TET3: variants seen among roughly 807,000 people sequenced by gnomAD.
The protein encoded by TET3 is methylcytosine dioxygenase TET3.
TET3 carries 19 observed loss-of-function variants against 141.4 expected under a neutral mutation model. The ratio of observed to expected loss-of-function variants is 0.13; its 90% CI spans 0.09 to 0.20. TET3 has a LOEUF of 0.20. TET3 is among the 10% of genes least tolerant of loss of function. TET3 has a pLI of 1.00. For missense variants in TET3, 1,874 were observed against 2,356.9 expected (o/e 0.80, Z 4.24); for synonymous variants, 1,043 against 980.9 (o/e 1.06, Z -1.18).
At chr2:74,036,847 TATG>T (rs1206203128) in intron 3 of TET3, among the ~76,000 whole-genome samples, 6 of 152,216 alleles carry the variant, frequency 3.9e-5, no homozygotes, top group African/African-American at 7.2e-5. Context: ...TTCTGCCAGA[TATG>T]ATGACCTCAG....
chr2:74,061,552 G>T (rs1392223227), intron 4 of TET3, among the ~76,000 whole-genome samples: 2 of 137,230 alleles, frequency 1.5e-5, no homozygotes, highest in East Asian at 2.4e-4. Flanking sequence ...CCGGGCAGAG[G>T]CGCCCCTCAC....
At chr2:73,987,143 G>A (rs1333169530) in intron 2 of TET3, among the ~76,000 whole-genome samples, 1 of 152,208 alleles carries the variant, frequency 6.6e-6, no homozygotes, top group Non-Finnish European at 1.5e-5. Context: ...CCCTGATGGA[G>A]TGGGATGTTT....
In TET3 at chr2:74,015,620, A is replaced by T. The variant is rs547254127; in HGVS notation, c.360+12454A>T. Among the ~76,000 whole-genome samples, 99 of 152,320 alleles carry T rather than the reference A, an allele frequency of 6.5e-4. 1 individual carries two copies. Among genetic ancestry groups the T allele is most frequent in the African/African-American group, 2.3e-3 (97 of 41,582 alleles). ...TCATTTTATGGCTGTATTATAATTT[A>T]ACTTCTTATTGATGGACATTTACAG... On this transcript the variant is annotated intron_variant, in intron 3 of 11. Transcript: ENST00000409262.
rs867498530 is a variant in TET3 at position 74,087,714 on chromosome 2, C to G, written c.2680-116C>G. 3 of 1,019,474 alleles carry G rather than the reference C, an allele frequency of 2.9e-6. No homozygotes were observed. Among genetic ancestry groups the G allele is most frequent in the Middle Eastern group, 3.2e-4 (1 of 3,110 alleles). The allele number at this position is 1,019,474 out of a possible 1,614,324, so 63.2% of individuals were successfully genotyped here. On this transcript the variant is annotated intron_variant, in intron 6 of 11. Coordinates refer to ENST00000409262, the MANE Select transcript of TET3 (RefSeq NM_001287491.2). The surrounding 1 kb of genome is among the most constrained non-coding windows in gnomAD (Gnocchi z 4.3). Reference sequence around the variant, plus strand: ...TTGCTGTCTTCAGGGCATGACATCCCTAGAACCCTGCCGTTAAGACCTGCA... The same window carrying G: ...TTGCTGTCTTCAGGGCATGACATCCGTAGAACCCTGCCGTTAAGACCTGCA...
At chr2:74,026,589 T>G (rs190504710) in intron 3 of TET3, among the ~76,000 whole-genome samples, 1 of 152,348 alleles carries the variant, frequency 6.6e-6, no homozygotes, top group African/African-American at 2.4e-5. Flanking sequence ...CCTTGTATAA[T>G]AGATATTAAA....
intron 3 of TET3, among the ~76,000 whole-genome samples, chr2:74,035,425 C>G (rs1278410295): frequency 7.1e-6 from 1 of 140,406 alleles, no homozygotes; most frequent in African/African-American, 2.7e-5. Flanking sequence ...GATCGCGCCA[C>G]TGCACTCCAG....
intron 2 of TET3, among the ~76,000 whole-genome samples, chr2:73,998,853 T>A (rs1447673523): frequency 6.6e-6 from 1 of 152,014 alleles, no homozygotes; most frequent in East Asian, 1.9e-4. Context: ...GTCACAGACT[T>A]CCCTCATAGT....
the TET3 span, among the ~76,000 whole-genome samples, chr2:74,120,361 A>G: frequency 7.9e-5 from 12 of 152,206 alleles, no homozygotes; most frequent in African/African-American, 2.9e-4. Flanking sequence ...GAGCTTCCGG[A>G]GAGATGGCGG....
Position 73,987,663 on chromosome 2 carries a change from T to C in TET3, c.303+957T>C, listed in dbSNP as rs1573618700. ...GACAGAGACGGAGGCCTGCGCTGTC[T>C]TCGAGCTCCCCCTGGCTCTGCCATT... is the stretch of plus-strand genomic sequence containing the variant. On this transcript the variant is annotated intron_variant, in intron 2 of 11. Coordinates refer to ENST00000409262, the MANE Select transcript of TET3 (RefSeq NM_001287491.2). Among the ~76,000 whole-genome samples, 4 of 152,352 alleles carry C rather than the reference T, an allele frequency of 2.6e-5. No individual in the cohort carries two copies. The East Asian group carries it at 5.8e-4, about 22-fold the overall frequency.
Position 74,105,204 on chromosome 2 carries a change from C to T in TET3, c.*3028C>T. 2.5e-6 allele frequency: 1 copy of T among 398,486 alleles called. No individual in the cohort carries two copies. The allele number at this position is 398,486 out of a possible 1,614,324, so 24.7% of individuals were successfully genotyped here. On this transcript the variant is annotated 3_prime_UTR_variant, in exon 12 of 12. Transcript: ENST00000409262. ...AAGAACCTAACAGCATGACCAAGTTCGAAGAGTCATATTATAGCAACGGAA... is the reference window on the plus strand; with the variant it reads ...AAGAACCTAACAGCATGACCAAGTTTGAAGAGTCATATTATAGCAACGGAA...
intron 4 of TET3, among the ~76,000 whole-genome samples, chr2:74,061,688 C>T: frequency 6.9e-6 from 1 of 145,234 alleles, no homozygotes; most frequent in African/African-American, 2.7e-5. Context: ...GGAGGGGCTC[C>T]TCACTTCTCA....
Position 73,988,571 on chromosome 2 carries a change from G to C in TET3, c.303+1865G>C, listed in dbSNP as rs529362956. Among the ~76,000 whole-genome samples, 3 of 152,292 alleles carry C rather than the reference G, an allele frequency of 2.0e-5. No homozygotes were observed. In the East Asian group the frequency reaches 5.8e-4, roughly 29 times the overall value. On this transcript the variant is annotated intron_variant, in intron 2 of 11. Coordinates refer to ENST00000409262, the MANE Select transcript of TET3 (RefSeq NM_001287491.2). Reference sequence around the variant, plus strand: ...GGGTGGTCTTGGTTAAGATATCATGGATCTGGGGTGGCTGAGGCTTAGAGA... The same window carrying C: ...GGGTGGTCTTGGTTAAGATATCATGCATCTGGGGTGGCTGAGGCTTAGAGA...
At chr2:74,048,679 G>A (rs778882578) in intron 4 of TET3, among the ~76,000 whole-genome samples, 1 of 152,212 alleles carries the variant, frequency 6.6e-6, no homozygotes, top group Non-Finnish European at 1.5e-5. Context: ...AGGCCTTCTT[G>A]TAGGAGGTAG....
intron 3 of TET3, among the ~76,000 whole-genome samples, chr2:74,019,917 T>G (rs1316133081): frequency 6.6e-6 from 1 of 152,184 alleles, no homozygotes; most frequent in African/African-American, 2.4e-5. Flanking sequence ...GAGAACTGCT[T>G]TCTTAGCTTC....
At chr2:74,127,758 A>G in the TET3 span, among the ~76,000 whole-genome samples, 1 of 151,966 alleles carries the variant, frequency 6.6e-6, no homozygotes, top group African/African-American at 2.4e-5. Flanking sequence ...AGGTTTGTAT[A>G]GGGCACGGGA....
chr2:73,985,756 C>G (rs1683990527), intron 1 of TET3, among the ~76,000 whole-genome samples: 1 of 152,056 alleles, frequency 6.6e-6, no homozygotes, highest in African/African-American at 2.4e-5. Context: ...TCACCTTGAT[C>G]ACCCCCTTGA....
chr2:74,107,308 T>C lies in TET3; in HGVS notation c.*5132T>C, dbSNP rs1251933357. 6.6e-6 allele frequency: 1 copy of C among 152,282 alleles called. No homozygotes were observed. The highest frequency in any genetic ancestry group is 1.5e-5 in the Non-Finnish European group (1 of 68,056). The allele number at this position is 152,282 out of a possible 1,614,324, so 9.4% of individuals were successfully genotyped here. On this transcript the variant is annotated 3_prime_UTR_variant, in exon 12 of 12. Coordinates refer to ENST00000409262, the MANE Select transcript of TET3 (RefSeq NM_001287491.2). ...CAGCACAGAAATGCAAGGTCTAAAG[T>C]TGCTTTTTGCCTAAGAATCAGCGAG... is the stretch of plus-strand genomic sequence containing the variant.
chr2:74,005,717 T>A (rs989535229), intron 3 of TET3, among the ~76,000 whole-genome samples: 3 of 152,198 alleles, frequency 2.0e-5, no homozygotes, highest in African/African-American at 7.2e-5. Context: ...ATATACGATG[T>A]GCTAAGTCCT....
At chr2:74,048,448 G>C (rs757779077) in intron 4 of TET3, 37 bp downstream of exon 4, 7 of 1,560,910 alleles carry the variant, frequency 4.5e-6, no homozygotes, top group African/African-American at 1.4e-5. Context: ...GGCAGAGAAA[G>C]GGCTGTGGCC....
Sources: allele counts gnomAD v4.1 joint callset (sites outside exome capture counted in the v4.1 genomes callset), GRCh38; gene constraint gnomAD v4.1.1; non-coding constraint Gnocchi (gnomAD v3.1); transcripts MANE v1.5; gene names NCBI Gene and HGNC (gene_info 2026-07-23, HGNC 2026-07-21).